AFG1L: variants seen among roughly 807,000 people sequenced by gnomAD.
AFG1L encodes the protein AFG1-like ATPase.
AFG1L carries 53 observed loss-of-function variants against 62.2 expected under a neutral mutation model. The observed-to-expected ratio is 0.85, with a 90% CI of 0.68 to 1.07. The LOEUF is 1.07. AFG1L is among the 50% of genes least tolerant of loss of function. AFG1L has a pLI of 0.00. For missense variants in AFG1L, 555 were observed against 590.5 expected (o/e 0.94, Z 0.62); for synonymous variants, 228 against 210.3 (o/e 1.08, Z -0.73).
intron 1 of AFG1L, among the ~76,000 whole-genome samples, chr6:108,296,221 A>G (rs1449877410): frequency 6.6e-6 from 1 of 152,198 alleles, no homozygotes; most frequent in Non-Finnish European, 1.5e-5. Context: ...ATTTAGTATA[A>G]TGGAATAGGC....
intron 11 of AFG1L, among the ~76,000 whole-genome samples, chr6:108,519,277 A>C (rs1775029086): frequency 1.3e-5 from 2 of 152,212 alleles, no homozygotes. Flanking sequence ...TGACTCAATC[A>C]TATCCTAGAG....
intron 8 of AFG1L, among the ~76,000 whole-genome samples, chr6:108,462,822 C>T (rs1048871657): frequency 2.6e-5 from 4 of 152,056 alleles, no homozygotes; most frequent in Non-Finnish European, 4.4e-5. Context: ...TATTCTTACA[C>T]GTATAAAAAT....
intron 4 of AFG1L, 45 bp downstream of exon 4, chr6:108,355,800 C>T (rs765578445): frequency 8.2e-7 from 1 of 1,224,548 alleles, no homozygotes; most frequent in Admixed American, 1.9e-5. Flanking sequence ...TGGGGAAACG[C>T]TACAAAATGG....
chr6:108,414,963 A>G (rs1262542996), intron 7 of AFG1L, among the ~76,000 whole-genome samples: 2 of 152,224 alleles, frequency 1.3e-5, no homozygotes, highest in East Asian at 3.8e-4. Context: ...TTCAATTAGG[A>G]AAAGAGGAAG....
At chr6:108,445,422 T>C (rs552006612) in intron 7 of AFG1L, among the ~76,000 whole-genome samples, 39 of 152,330 alleles carry the variant, frequency 2.6e-4, no homozygotes, top group African/African-American at 7.2e-4. Flanking sequence ...CAATCATAAC[T>C]TAGCTAACTT....
chr6:108,422,248 G>A (rs190633359), intron 7 of AFG1L, among the ~76,000 whole-genome samples: 20 of 151,802 alleles, frequency 1.3e-4, no homozygotes, highest in Non-Finnish European at 2.2e-4. Context: ...TAATTTGTCC[G>A]ATATCCACTA....
intron 7 of AFG1L, among the ~76,000 whole-genome samples, chr6:108,443,863 A>T (rs1166798748): frequency 5.9e-5 from 9 of 152,032 alleles, no homozygotes; most frequent in Non-Finnish European, 1.0e-4. Flanking sequence ...CAACAGAGTA[A>T]GACTCTGTCG....
At chr6:108,446,062 ACACACACACACACACAC>A (rs1562166596) in intron 7 of AFG1L, among the ~76,000 whole-genome samples, 1 of 23,494 alleles carries the variant, frequency 4.3e-5, no homozygotes, top group Non-Finnish European at 1.1e-4. Context: ...ACACACACAC[ACACACACACACACACAC>A]ACACACACAC....
intron 7 of AFG1L, among the ~76,000 whole-genome samples, chr6:108,435,241 T>C (rs1582582998): frequency 6.6e-6 from 1 of 152,144 alleles, no homozygotes; most frequent in Admixed American, 6.5e-5. Flanking sequence ...TGTAGTAAGA[T>C]GAAGGTGGGA....
chr6:108,339,667 C>G (rs1778608044), intron 2 of AFG1L, among the ~76,000 whole-genome samples: 1 of 152,060 alleles, frequency 6.6e-6, no homozygotes, highest in Non-Finnish European at 1.5e-5. Context: ...ACCATGTTGG[C>G]TAGGCTGGTT....
intron 6 of AFG1L, among the ~76,000 whole-genome samples, chr6:108,390,116 AT>A (rs1191336684): frequency 6.6e-6 from 1 of 151,964 alleles, no homozygotes; most frequent in Non-Finnish European, 1.5e-5. Flanking sequence ...TTCTCGCTTC[AT>A]TTCAGCTTCA....
At position 108,312,126 on chromosome 6, in the gene AFG1L, A is replaced by G. The variant is rs536632519; in HGVS notation, c.140-11699A>G. 2.0e-5 allele frequency among the ~76,000 whole-genome samples: 3 copies of G among 152,344 alleles called. No individual in the cohort carries two copies. In the East Asian group the frequency reaches 5.8e-4, roughly 29 times the overall value. ...AGGATCCGCCTGCCTTGGCCTCCCA[A>G]AGTGTTGGGATTACAGGCGTGAGCC... On this transcript the variant is annotated intron_variant, in intron 1 of 12. Transcript: ENST00000368977.
At chr6:108,425,132 G>C (rs1004360995) in intron 7 of AFG1L, among the ~76,000 whole-genome samples, 1 of 152,130 alleles carries the variant, frequency 6.6e-6, no homozygotes, top group African/African-American at 2.4e-5. Context: ...CTCTTTTTGA[G>C]GGTGGGCAGT....
At chr6:108,503,042 C>G (rs1272757525) in intron 10 of AFG1L, among the ~76,000 whole-genome samples, 1 of 152,196 alleles carries the variant, frequency 6.6e-6, no homozygotes, top group Non-Finnish European at 1.5e-5. Flanking sequence ...TATCTTCAGG[C>G]TCCACTTCTA....
At chr6:108,357,241 C>A (rs1779328579) in intron 5 of AFG1L, among the ~76,000 whole-genome samples, 1 of 152,100 alleles carries the variant, frequency 6.6e-6, no homozygotes, top group South Asian at 2.1e-4. Flanking sequence ...CCATACCTAG[C>A]AAATTTTTAA....
intron 8 of AFG1L, among the ~76,000 whole-genome samples, chr6:108,453,218 G>T (rs1339832298): frequency 6.6e-6 from 1 of 152,086 alleles, no homozygotes; most frequent in Non-Finnish European, 1.5e-5. Context: ...TGGGGATTTT[G>T]GATCATCCTG....
At chr6:108,365,175 T>C (rs969421516) in intron 5 of AFG1L, among the ~76,000 whole-genome samples, 1 of 152,118 alleles carries the variant, frequency 6.6e-6, no homozygotes, top group South Asian at 2.1e-4. Context: ...CATTTTTACA[T>C]TGGGAGTATC....
At chr6:108,342,394 A>G (rs760596177) in intron 2 of AFG1L, among the ~76,000 whole-genome samples, 11 of 152,218 alleles carry the variant, frequency 7.2e-5, no homozygotes, top group Non-Finnish European at 1.5e-4. Context: ...AGGGAATTAA[A>G]TTTAAGGAAG....
intron 6 of AFG1L, among the ~76,000 whole-genome samples, chr6:108,397,248 C>A (rs1373427721): frequency 6.6e-6 from 1 of 152,202 alleles, no homozygotes; most frequent in Non-Finnish European, 1.5e-5. Flanking sequence ...CTGCCTCAGT[C>A]TCCCAAGTAG....
Sources: gnomAD v4.1 joint callset for allele counts (sites outside exome capture counted in the v4.1 genomes callset) on GRCh38, gnomAD v4.1.1 for gene constraint, MANE v1.5 for transcripts, NCBI Gene and HGNC (gene_info 2026-07-23, HGNC 2026-07-21) for gene names.